Variants in MAP3K5 observed in about 807,000 individuals in gnomAD.
MAP3K5 encodes mitogen-activated protein kinase kinase kinase 5, also known as ASK-1.
Under a neutral mutation model 158.7 loss-of-function variants are expected in MAP3K5, and 56 were observed. That is an observed-to-expected ratio of 0.35 (90% CI 0.28 to 0.44). The LOEUF (loss-of-function observed/expected upper bound fraction) is 0.44, where lower values mean the gene tolerates loss of function less well. MAP3K5 is among the 20% of genes least tolerant of loss of function. The pLI, the probability that MAP3K5 is intolerant of heterozygous loss-of-function variation, is 1.00. For synonymous variants in MAP3K5, 579 were observed against 601.7 expected (o/e 0.96, Z 0.55); for missense variants, 1,294 against 1,674.8 (o/e 0.77, Z 3.97).
At chr6:136,597,257 C>T (rs1346888189) in intron 21 of MAP3K5, among the ~76,000 whole-genome samples, 2 of 152,192 alleles carry the variant, frequency 1.3e-5, no homozygotes. Context: ...GGGTGACTGG[C>T]AACCCTATGG....
rs2114523165 is a variant in MAP3K5 at position 136,669,231 on chromosome 6, C to A, written c.1366+52G>T. 3.5e-6 allele frequency: 4 copies of A among 1,149,732 alleles called. No individual in the cohort carries two copies. The Admixed American group carries it at 5.3e-5, about 15-fold the overall frequency. The allele number at this position is 1,149,732 out of a possible 1,614,324, so 71.2% of individuals were successfully genotyped here. A position where few individuals can be genotyped will look rare whatever the true frequency, so the allele number is the denominator to read the frequency against. On this transcript the variant is annotated intron_variant, in intron 8 of 29. Transcript: ENST00000359015. ...TATTCATGATTCTTTTTCTTTGCAC[C>A]AAGTTGGGTCCAGTTTCTTGATTTC...
intron 21 of MAP3K5, among the ~76,000 whole-genome samples, chr6:136,599,515 C>A (rs1173592487): frequency 2.0e-5 from 3 of 152,076 alleles, no homozygotes; most frequent in Non-Finnish European, 4.4e-5. Flanking sequence ...TATATGCACG[C>A]TCTTGCCAAG....
intron 1 of MAP3K5, among the ~76,000 whole-genome samples, chr6:136,743,240 C>T (rs916738154): frequency 8.5e-5 from 13 of 152,110 alleles, no homozygotes; most frequent in Non-Finnish European, 7.4e-5. Flanking sequence ...CATGAGGTCA[C>T]GAAATCGAGA....
intron 1 of MAP3K5, among the ~76,000 whole-genome samples, chr6:136,788,616 A>C (rs1784941057): frequency 6.6e-6 from 1 of 152,248 alleles, no homozygotes; most frequent in Admixed American, 6.5e-5. Flanking sequence ...TCTCAGAAGA[A>C]GGCATACAAG....
chr6:136,740,283 CCTT>C (rs1260888893), intron 1 of MAP3K5, among the ~76,000 whole-genome samples: 1 of 152,002 alleles, frequency 6.6e-6, no homozygotes, highest in Non-Finnish European at 1.5e-5. Context: ...AGTGTTTTTC[CCTT>C]CTTTTTACCT....
intron 10 of MAP3K5, among the ~76,000 whole-genome samples, chr6:136,654,846 GC>G (rs1372113480): frequency 6.6e-6 from 1 of 151,132 alleles, no homozygotes; most frequent in African/African-American, 2.4e-5. Context: ...TCCCTGCCTA[GC>G]AGTTCCTATT....
At chr6:136,717,421 A>C (rs1318939034) in intron 2 of MAP3K5, among the ~76,000 whole-genome samples, 1 of 152,214 alleles carries the variant, frequency 6.6e-6, no homozygotes, top group Non-Finnish European at 1.5e-5. Context: ...GTCTTCAACA[A>C]AGAGCAGCAG....
rs561889472 is a variant in MAP3K5, at chr6:136,621,162, G to C, written c.2150+1686C>G. On this transcript the variant is annotated intron_variant, in intron 15 of 29. Coordinates refer to ENST00000359015, the MANE Select transcript of MAP3K5 (RefSeq NM_005923.4). The stretch of plus-strand genomic sequence containing the variant: ...TCTCTTTGCTTTTTTAATTTTGAAA[G>C]TTTCTACTGATATATTCCGAAACTC... Among the ~76,000 whole-genome samples, 3 of 151,646 alleles carry C rather than the reference G, an allele frequency of 2.0e-5. No homozygotes were observed. The South Asian group carries it at 6.3e-4, about 32-fold the overall frequency.
At chr6:136,630,967 G>A (rs1472393576) in intron 14 of MAP3K5, among the ~76,000 whole-genome samples, 2 of 152,112 alleles carry the variant, frequency 1.3e-5, no homozygotes, top group African/African-American at 4.8e-5. Context: ...AGGCATGGTG[G>A]TGCACACCTT....
intron 7 of MAP3K5, among the ~76,000 whole-genome samples, chr6:136,685,497 T>C (rs1304384390): frequency 6.6e-6 from 1 of 152,062 alleles, no homozygotes; most frequent in African/African-American, 2.4e-5. Flanking sequence ...ACTTCCTCCC[T>C]CCACTGTGGG....
intron 7 of MAP3K5, among the ~76,000 whole-genome samples, chr6:136,692,837 T>C (rs927940062): frequency 1.1e-4 from 16 of 152,096 alleles, no homozygotes; most frequent in African/African-American, 3.6e-4. Context: ...ACACCTGTGG[T>C]CCCAGCTACT....
intron 25 of MAP3K5, among the ~76,000 whole-genome samples, chr6:136,570,890 C>A (rs916656315): frequency 4.6e-5 from 7 of 152,188 alleles, no homozygotes; most frequent in African/African-American, 1.7e-4. Flanking sequence ...TTTATAGTTA[C>A]AGGAGACAGA....
chr6:136,731,997 A>G (rs1316770755), intron 1 of MAP3K5, among the ~76,000 whole-genome samples: 2 of 152,186 alleles, frequency 1.3e-5, no homozygotes, highest in African/African-American at 2.4e-5. Context: ...GAAAGAAGAA[A>G]AAAAGAGAAA....
chr6:136,606,990 G>A (rs993305253), intron 18 of MAP3K5, among the ~76,000 whole-genome samples: 12 of 152,148 alleles, frequency 7.9e-5, no homozygotes, highest in African/African-American at 2.7e-4. Flanking sequence ...AGTAGTTCAC[G>A]CTAACATACA....
At chr6:136,640,950 T>C (rs1777901473) in intron 12 of MAP3K5, among the ~76,000 whole-genome samples, 1 of 152,228 alleles carries the variant, frequency 6.6e-6, no homozygotes, top group Admixed American at 6.5e-5. Flanking sequence ...AGTAGCAGCC[T>C]ATGTATAAGT....
chr6:136,737,037 G>GTGTGTATATATA (rs759947051), intron 1 of MAP3K5, among the ~76,000 whole-genome samples: 14 of 127,002 alleles, frequency 1.1e-4, no homozygotes, highest in African/African-American at 4.5e-4. Context: ...ATATGTGTGT[G>GTGTGTATATATA]TATATATATA....
chr6:136,781,623 A>C (rs1784615934), intron 1 of MAP3K5, among the ~76,000 whole-genome samples: 1 of 152,222 alleles, frequency 6.6e-6, no homozygotes, highest in Non-Finnish European at 1.5e-5. Context: ...AGATATAGTT[A>C]ATTACACTGC....
intron 1 of MAP3K5, among the ~76,000 whole-genome samples, chr6:136,764,113 G>A (rs1428205687): frequency 1.3e-5 from 2 of 152,164 alleles, no homozygotes; most frequent in African/African-American, 4.8e-5. Flanking sequence ...CCAGCCACCT[G>A]TACATGTGCA....
At chr6:136,605,018 G>A (rs1042239944) in intron 19 of MAP3K5, among the ~76,000 whole-genome samples, 191 bp downstream of exon 19, 4 of 152,100 alleles carry the variant, frequency 2.6e-5, no homozygotes, top group Non-Finnish European at 4.4e-5. Context: ...GAAAACTAAG[G>A]CACAGAGAGA....
Sources: allele counts gnomAD v4.1 joint callset (sites outside exome capture counted in the v4.1 genomes callset), GRCh38; gene constraint gnomAD v4.1.1; transcripts MANE v1.5; gene names NCBI Gene and HGNC (gene_info 2026-07-23, HGNC 2026-07-21).